The following TFEC variants were observed in gnomAD, a reference collection of about 807,000 sequenced individuals.
TFEC encodes transcription factor EC.
In TFEC, 31 loss-of-function variants were observed where a neutral mutation model predicts 41.6. The observed-to-expected ratio is 0.74, with a 90% confidence interval of 0.56 to 1.01. TFEC has a LOEUF of 1.01. Ranked by LOEUF, TFEC falls within the 50% of genes least tolerant of loss-of-function variation. TFEC has a pLI of 0.00. For synonymous variants in TFEC, 143 were observed against 140.6 expected (o/e 1.02, Z -0.12); for missense variants, 402 against 404.1 (o/e 0.99, Z 0.04).
At chr7:116,081,277 G>A (rs990732702) in intron 3 of TFEC, among the ~76,000 whole-genome samples, 1 of 151,490 alleles carries the variant, frequency 6.6e-6, no homozygotes, top group Admixed American at 6.6e-5. Flanking sequence ...TACACTGCTA[G>A]GGTGATGGGT....
Position 115,990,899 on chromosome 7 carries a change from C to T in TFEC, c.-72-6386G>A, listed in dbSNP as rs541783414. Among the ~76,000 whole-genome samples, 27 of 152,166 alleles carry T rather than the reference C, an allele frequency of 1.8e-4. No homozygotes were observed. In the South Asian group the frequency reaches 4.4e-3, roughly 25 times the overall value. On this transcript the variant is annotated intron_variant, in intron 1 of 7. Transcript: ENST00000265440. ...CAGAGAACGCCACAAAGATACTCCTCGAGAAGAGCAACTCTAAGACACATA... is the reference window on the plus strand; with the variant it reads ...CAGAGAACGCCACAAAGATACTCCTTGAGAAGAGCAACTCTAAGACACATA...
intron 3 of TFEC, among the ~76,000 whole-genome samples, chr7:116,093,696 C>G (rs1443749239): frequency 6.6e-6 from 1 of 152,106 alleles, no homozygotes; most frequent in Admixed American, 6.6e-5. Context: ...TCCCTGTCTT[C>G]TCTGCAAATA....
intron 1 of TFEC, among the ~76,000 whole-genome samples, chr7:116,002,268 G>A (rs1041495248): frequency 7.9e-5 from 12 of 152,134 alleles, no homozygotes; most frequent in Non-Finnish European, 1.8e-4. Context: ...AGATTTGGAA[G>A]CAACCTAAGG....
intron 2 of TFEC, among the ~76,000 whole-genome samples, 189 bp from the exon 3 acceptor site, chr7:115,974,445 TATATAA>T (rs201798517): frequency 0.036 from 1,883 of 52,572 alleles, 143 homozygotes; most frequent in African/African-American, 0.048. Context: ...TATATATATA[TATATAA>T]AAACACAGAT....
At chr7:115,990,881 C>T (rs553398605) in intron 1 of TFEC, among the ~76,000 whole-genome samples, 22 of 152,154 alleles carry the variant, frequency 1.4e-4, no homozygotes, top group South Asian at 2.1e-4. Context: ...ATGCAGAGAA[C>T]GCCACAAAGA....
chr7:116,031,962 G>T (rs1584426242), upstream of TFEC, among the ~76,000 whole-genome samples: 1 of 152,068 alleles, frequency 6.6e-6, no homozygotes. Context: ...TGTGAGAAAA[G>T]AAAATATTTG....
At chr7:116,100,770 GCTAT>G (rs1006116359) in intron 3 of TFEC, among the ~76,000 whole-genome samples, 2 of 152,112 alleles carry the variant, frequency 1.3e-5, no homozygotes, top group South Asian at 2.1e-4. Flanking sequence ...TATTATGTGG[GCTAT>G]CTATCTCAAC....
At chr7:116,020,278 C>T (rs1795344704) in intron 1 of TFEC, among the ~76,000 whole-genome samples, 1 of 151,982 alleles carries the variant, frequency 6.6e-6, no homozygotes, top group East Asian at 1.9e-4. Flanking sequence ...ATGAGAATAC[C>T]TTGTGCAGAG....
intron 1 of TFEC, among the ~76,000 whole-genome samples, chr7:116,011,171 G>T (rs956539128): frequency 6.6e-5 from 10 of 152,124 alleles, no homozygotes; most frequent in Admixed American, 3.9e-4. Context: ...CCTTCTGGGG[G>T]TGTCAAGTAA....
At chr7:115,977,214 A>G (rs2130624848) in intron 2 of TFEC, among the ~76,000 whole-genome samples, 1 of 152,278 alleles carries the variant, frequency 6.6e-6, no homozygotes, top group South Asian at 2.1e-4. Context: ...AATAGATCAG[A>G]CAAAATAAGA....
intron 3 of TFEC, among the ~76,000 whole-genome samples, chr7:116,040,450 T>C (rs1796008716): frequency 6.6e-6 from 1 of 152,194 alleles, no homozygotes; most frequent in South Asian, 2.1e-4. Context: ...AAATATCACA[T>C]AGGCATTTCA....
chr7:115,954,658 A>T lies in TFEC; in HGVS notation c.383-16T>A, dbSNP rs1356804595. On this transcript the variant is annotated splice_polypyrimidine_tract_variant and intron_variant, in intron 4 of 7. Transcript: ENST00000265440. ...GTGTCAGTTTCTGATCAAAAGAAAA[A>T]TAATAAAAACCATGCTTAGTTCTAC... 6.2e-7 allele frequency: 1 copy of T among 1,607,474 alleles called. No homozygotes were observed. Among genetic ancestry groups the T allele is most frequent in the Non-Finnish European group, 8.5e-7 (1 of 1,177,124 alleles).
At chr7:115,965,650 T>C (rs1792809422) in intron 3 of TFEC, among the ~76,000 whole-genome samples, 1 of 151,716 alleles carries the variant, frequency 6.6e-6, no homozygotes, top group Non-Finnish European at 1.5e-5. Flanking sequence ...CATGTTTTCA[T>C]AACCCTAGAA....
intron 3 of TFEC, among the ~76,000 whole-genome samples, chr7:116,080,976 A>AGTGTGTGTGTGT (rs60317630): frequency 6.7e-4 from 92 of 138,010 alleles, no homozygotes; most frequent in African/African-American, 1.6e-3. Context: ...AAGAAAATGT[A>AGTGTGTGTGTGT]GTGTGTGTGT....
chr7:116,096,474 G>A (rs1266967061), intron 3 of TFEC, among the ~76,000 whole-genome samples: 1 of 152,080 alleles, frequency 6.6e-6, no homozygotes, highest in South Asian at 2.1e-4. Flanking sequence ...ACAATATGTG[G>A]TATTTTCATT....
chr7:116,103,740 A>G (rs2402031), intron 3 of TFEC, among the ~76,000 whole-genome samples: 23,566 of 152,136 alleles, frequency 0.15, 1,969 homozygotes, highest in East Asian at 0.33. Context: ...TATTTAAAAG[A>G]TAATTGAAAA....
At chr7:116,051,302 TTAAA>T (rs1395190406) in intron 3 of TFEC, among the ~76,000 whole-genome samples, 4 of 152,244 alleles carry the variant, frequency 2.6e-5, no homozygotes, top group African/African-American at 7.2e-5. Context: ...AAAATAATAA[TTAAA>T]TAAATGAATG....
chr7:116,035,895 T>C (rs1430410631), intron 3 of TFEC, among the ~76,000 whole-genome samples: 1 of 151,962 alleles, frequency 6.6e-6, no homozygotes, highest in African/African-American at 2.4e-5. Context: ...ACCTTAAAGA[T>C]TTAAACATAA....
At chr7:116,088,582 TAAG>T (rs1013726617) in intron 3 of TFEC, among the ~76,000 whole-genome samples, 5 of 152,100 alleles carry the variant, frequency 3.3e-5, no homozygotes, top group East Asian at 1.9e-4. Context: ...ATCTAGCAGA[TAAG>T]AAGGTTTTTT....
Sources: gnomAD v4.1 joint callset for allele counts (sites outside exome capture counted in the v4.1 genomes callset) on GRCh38, gnomAD v4.1.1 for gene constraint, MANE v1.5 for transcripts, NCBI Gene and HGNC (gene_info 2026-07-23, HGNC 2026-07-21) for gene names.